The following TIPRL variants were observed in gnomAD, a reference collection of about 807,000 sequenced individuals.
The protein encoded by TIPRL is TOR signaling pathway regulator.
A neutral mutation model predicts 32.3 loss-of-function variants in TIPRL; 10 were observed. The ratio of observed to expected loss-of-function variants is 0.31; its 90% CI spans 0.19 to 0.52. TIPRL has a LOEUF of 0.52. TIPRL is among the 20% of genes least tolerant of loss of function. The probability of loss-of-function intolerance (pLI) is 0.96; values close to 1 mark genes in which losing one functional copy is unlikely to be tolerated. For missense variants in TIPRL, 250 were observed against 328.1 expected (o/e 0.76, Z 1.84); for synonymous variants, 100 against 114.0 (o/e 0.88, Z 0.78).
intron 4 of TIPRL, chr1:168,192,359 A>T (rs1467575410): frequency 3.0e-6 from 3 of 1,015,060 alleles, no homozygotes; most frequent in Non-Finnish European, 3.6e-6. Context: ...GTCTCAAAAA[A>T]AAAAAATAAA....
In TIPRL at chr1:168,199,944, C is replaced by T. The variant is rs1480768228; in HGVS notation, c.717C>T (p.Ser239=). The part of the protein sequence containing the change: ...PSLFTEPNEI[S]QYLPIKEAVC... ...TCTTCACGGAACCTAATGAAATATCCCAGTATTTACCAATAAAGGAAGCAG... is the reference window on the plus strand; with the variant it reads ...TCTTCACGGAACCTAATGAAATATCTCAGTATTTACCAATAAAGGAAGCAG... Residue 239 remains serine (S), a synonymous_variant, in exon 7 of 7, where the codon TCC becomes TCT. Coordinates refer to ENST00000367833, the MANE Select transcript of TIPRL (RefSeq NM_152902.5). The T allele has an allele frequency of 6.2e-7, 1 of 1,613,288 alleles. No individual in the cohort carries two copies. Among genetic ancestry groups the T allele is most frequent in the Middle Eastern group, 1.7e-4 (1 of 6,056 alleles).
In TIPRL at chr1:168,201,850, T is replaced by A. The variant is rs1311477783; in HGVS notation, c.*1804T>A. On this transcript the variant is annotated 3_prime_UTR_variant, in exon 7 of 7. Transcript: ENST00000367833. ...TAACTTGTTGATTCAGATGTCTTGG[T>A]CCCTGAATAGTCCTAGATTACTTAT... The A allele has an allele frequency of 1.3e-5, 2 of 151,502 alleles. No homozygotes were observed. The highest frequency in any genetic ancestry group is 2.9e-5 in the Non-Finnish European group (2 of 67,862). The allele number at this position is 151,502 out of a possible 1,614,324, so 9.4% of individuals were successfully genotyped here. A position where few individuals can be genotyped will look rare whatever the true frequency, so the allele number is the denominator to read the frequency against.
chr1:168,185,171 G>T (rs142967144), intron 3 of TIPRL, among the ~76,000 whole-genome samples: 1 of 152,106 alleles, frequency 6.6e-6, no homozygotes, highest in Non-Finnish European at 1.5e-5. Context: ...TTCGGGCCTT[G>T]GTAATGTATT....
Position 168,199,994 on chromosome 1 carries a change from A to G in TIPRL, c.767A>G (p.Glu256Gly). The G allele has an allele frequency of 6.2e-7, 1 of 1,613,740 alleles. No individual in the cohort carries two copies. Among genetic ancestry groups the G allele is most frequent in the Non-Finnish European group, 8.5e-7 (1 of 1,179,774 alleles). The change falls in exon 7 of 7, where the codon GAA (glutamate) becomes GGA (glycine). Residue 256 changes from glutamate (E) to glycine (G), a missense_variant. Coordinates refer to ENST00000367833, the MANE Select transcript of TIPRL (RefSeq NM_152902.5). ...EAVCEKLIFP[E>G]RIDPNPADSQ... ...GTTTGTGAGAAGCTAATATTTCCAG[A>G]AAGAATTGATCCTAACCCAGCAGAC...
intron 4 of TIPRL, chr1:168,192,397 A>G: frequency 3.0e-6 from 3 of 1,005,828 alleles, no homozygotes; most frequent in Non-Finnish European, 3.6e-6. Flanking sequence ...GAAAACACAC[A>G]TAACAAGTAT....
chr1:168,180,297 A>T (rs1699944186), intron 1 of TIPRL, among the ~76,000 whole-genome samples: 1 of 152,168 alleles, frequency 6.6e-6, no homozygotes, highest in African/African-American at 2.4e-5. Context: ...CATGTATCGT[A>T]TGCCTTTGAA....
Position 168,191,477 on chromosome 1 carries a change from G to T in TIPRL, c.493G>T (p.Val165Phe). 1 of 1,511,122 alleles carries T rather than the reference G, an allele frequency of 6.6e-7. No individual in the cohort carries two copies. Among genetic ancestry groups the T allele is most frequent in the Non-Finnish European group, 8.8e-7 (1 of 1,139,516 alleles). The allele number at this position is 1,511,122 out of a possible 1,614,324, so 93.6% of individuals were successfully genotyped here. A position where few individuals can be genotyped will look rare whatever the true frequency, so the allele number is the denominator to read the frequency against. The change falls in exon 4 of 7, where the codon GTT becomes TTT. Residue 165 changes from valine (V) to phenylalanine (F), a missense_variant. By Grantham distance (50) the Val-to-Phe change is conservative (BLOSUM62 -1). Coordinates refer to ENST00000367833, the MANE Select transcript of TIPRL (RefSeq NM_152902.5). ...TGAGGATGAACTTCATGATCATGGA[G>T]TTTCAAGCCTGAGTGTGAAGATTGT... is the stretch of plus-strand genomic sequence containing the variant. ...LFEDELHDHG[V>F]SSLSVKIRVM...
intron 4 of TIPRL, among the ~76,000 whole-genome samples, 153 bp from the exon 5 acceptor site, chr1:168,196,394 A>C (rs1318622922): frequency 6.6e-6 from 1 of 152,224 alleles, no homozygotes; most frequent in African/African-American, 2.4e-5. Context: ...GAGCTAGGAC[A>C]AAGAGCTTCT....
At chr1:168,186,078 A>T (rs1700024148) in intron 3 of TIPRL, among the ~76,000 whole-genome samples, 1 of 49,036 alleles carries the variant, frequency 2.0e-5, no homozygotes, top group East Asian at 5.6e-4. Context: ...CCGTCTCAAA[A>T]AAAAAAAAAA....
At chr1:168,182,623 C>T (rs1283311359) in intron 1 of TIPRL, among the ~76,000 whole-genome samples, 2 of 151,206 alleles carry the variant, frequency 1.3e-5, no homozygotes, top group Non-Finnish European at 2.9e-5. Context: ...GAGACTCCGT[C>T]TCAAAAAAAA....
chr1:168,198,516 A>T (rs943241613), intron 5 of TIPRL, among the ~76,000 whole-genome samples: 7 of 152,322 alleles, frequency 4.6e-5, no homozygotes, highest in African/African-American at 1.4e-4. Flanking sequence ...ACATAAAAGT[A>T]GCACAATTAC....
chr1:168,198,299 G>A (rs1240827833), intron 5 of TIPRL, among the ~76,000 whole-genome samples: 1 of 151,968 alleles, frequency 6.6e-6, no homozygotes, highest in African/African-American at 2.4e-5. Context: ...ATACAAGAGA[G>A]TGAAACCTTA....
Position 168,185,468 on chromosome 1 carries a change from A to C in TIPRL, c.384+590A>C, listed in dbSNP as rs549937090. On this transcript the variant is annotated intron_variant, in intron 3 of 6. Transcript: ENST00000367833. ...ATTAGTATTAAGTCCTGTGTGTGTA[A>C]GCCCTGCTTGAGAAGAGATTGGGGC... 9.0e-4 allele frequency among the ~76,000 whole-genome samples: 137 copies of C among 152,260 alleles called. No homozygotes were observed. The Middle Eastern group carries it at 0.01, about 11-fold the overall frequency.
chr1:168,190,050 G>A (rs1320168627), intron 3 of TIPRL, among the ~76,000 whole-genome samples: 1 of 152,186 alleles, frequency 6.6e-6, no homozygotes, highest in Non-Finnish European at 1.5e-5. Context: ...TAAAAAGGAC[G>A]AAATTTACAA....
chr1:168,200,095 C>G lies in TIPRL; in HGVS notation c.*49C>G. 1.3e-6 allele frequency: 2 copies of G among 1,579,870 alleles called. No individual in the cohort carries two copies. The highest frequency in any genetic ancestry group is 8.6e-7 in the Non-Finnish European group (1 of 1,162,498). On this transcript the variant is annotated 3_prime_UTR_variant, in exon 7 of 7. Transcript: ENST00000367833. ...TATGGAATCTGACTGGACACCTTGG[C>G]TATTTGTAAGGGGTTATTTTTATTA... is the stretch of plus-strand genomic sequence containing the variant.
In TIPRL at chr1:168,184,807, A is replaced by G; in HGVS notation, c.313A>G (p.Ile105Val). The G allele has an allele frequency of 6.2e-7, 1 of 1,612,660 alleles. No homozygotes were observed. ...RTEGEHSKEV[I>V]KPYDWTYTTD... ...GGAGGGTGAACACTCCAAAGAGGTT[A>G]TTAAACCATATGATTGGACCTATAC... The change falls in exon 3 of 7, where the codon ATT becomes GTT. Residue 105 changes from isoleucine to valine, a missense_variant. Physicochemically the swap from Ile to Val is conservative, Grantham distance 29. Transcript: ENST00000367833.
At position 168,191,486 on chromosome 1, in the gene TIPRL, C is replaced by A; in HGVS notation, c.502C>A (p.Leu168Met). ...ACTTCATGATCATGGAGTTTCAAGC[C>A]TGAGTGTGAAGATTGTGAGTATTAT... ...DELHDHGVSSLSVKIRVMPSS... is the reference protein window; with the variant it reads ...DELHDHGVSSMSVKIRVMPSS... Residue 168 changes from leucine (L) to methionine (M), a missense_variant, in exon 4 of 7, where the codon CTG (leucine) becomes ATG (methionine). Coordinates refer to ENST00000367833, the MANE Select transcript of TIPRL (RefSeq NM_152902.5). The A allele has an allele frequency of 6.7e-7, 1 of 1,501,862 alleles. No individual in the cohort carries two copies. The highest frequency in any genetic ancestry group is 8.8e-7 in the Non-Finnish European group (1 of 1,134,416). The allele number at this position is 1,501,862 out of a possible 1,614,324, so 93.0% of individuals were successfully genotyped here. A position where few individuals can be genotyped will look rare whatever the true frequency, so the allele number is the denominator to read the frequency against.
intron 3 of TIPRL, among the ~76,000 whole-genome samples, chr1:168,191,131 A>G (rs1210840957): frequency 6.6e-6 from 1 of 152,100 alleles, no homozygotes; most frequent in East Asian, 1.9e-4. Context: ...AAAATGATAA[A>G]TTTTTACTGC....
At chr1:168,191,251 T>C in intron 3 of TIPRL, 118 bp from the exon 4 acceptor site, 1 of 855,492 alleles carries the variant, frequency 1.2e-6, no homozygotes. Flanking sequence ...TAGAACTGTG[T>C]GCTCTGGCTA....
Sources: gnomAD v4.1 joint callset for allele counts (sites outside exome capture counted in the v4.1 genomes callset) on GRCh38, gnomAD v4.1.1 for gene constraint, MANE v1.5 for transcripts, NCBI Gene and HGNC (gene_info 2026-07-23, HGNC 2026-07-21) for gene names.